CROT: variants seen among roughly 807,000 people sequenced by gnomAD.
CROT encodes peroxisomal carnitine O-octanoyltransferase.
A neutral mutation model predicts 89.2 loss-of-function variants in CROT; 84 were observed. That is an observed-to-expected ratio of 0.94 (90% CI 0.79 to 1.13). The LOEUF is 1.13. Among genes scored for constraint, CROT ranks in the 50% most tolerant of loss-of-function variants. The probability of loss-of-function intolerance (pLI) is 0.00; values close to 1 mark genes in which losing one functional copy is unlikely to be tolerated. For missense variants in CROT, 711 were observed against 727.8 expected (o/e 0.98, Z 0.27); for synonymous variants, 212 against 239.5 (o/e 0.89, Z 1.06).
chr7:87,349,550 C>A (rs1174273414), intron 3 of CROT, among the ~76,000 whole-genome samples: 1 of 152,158 alleles, frequency 6.6e-6, no homozygotes, highest in Non-Finnish European at 1.5e-5. Flanking sequence ...TGCATGAATA[C>A]ATCAAAGAAT....
At chr7:87,382,679 CATCAATAGAGTATT>C in intron 13 of CROT, 136 bp downstream of exon 13, 1 of 802,120 alleles carries the variant, frequency 1.2e-6, no homozygotes. Context: ...TTTGTACTTC[CATCAATAGAGTATT>C]AGATTTCTGA....
intron 13 of CROT, 113 bp from the exon 14 acceptor site, chr7:87,391,476 T>C: frequency 2.1e-6 from 2 of 968,732 alleles, no homozygotes; most frequent in Non-Finnish European, 2.9e-6. Flanking sequence ...CCAACCTATC[T>C]GTGTTAAAGG....
intron 3 of CROT, among the ~76,000 whole-genome samples, chr7:87,357,758 G>A (rs1471421029): frequency 6.6e-6 from 1 of 152,076 alleles, no homozygotes; most frequent in Non-Finnish European, 1.5e-5. Context: ...TCTACATGTG[G>A]GTGAGCAGAC....
chr7:87,362,367 G>C (rs1806310649), intron 6 of CROT, among the ~76,000 whole-genome samples: 1 of 145,750 alleles, frequency 6.9e-6, no homozygotes, highest in Admixed American at 7.1e-5. Context: ...TGCGACCTCA[G>C]CTCACTGCAA....
intron 10 of CROT, among the ~76,000 whole-genome samples, chr7:87,379,418 TATATA>T (rs1400899796): frequency 6.6e-6 from 1 of 152,236 alleles, no homozygotes; most frequent in African/African-American, 2.4e-5. Flanking sequence ...GTTATATTGT[TATATA>T]AGAGTAAGTC....
chr7:87,358,702 T>C lies in CROT; in HGVS notation c.116-504T>C, dbSNP rs75910001. On this transcript the variant is annotated intron_variant, in intron 3 of 17. Coordinates refer to ENST00000331536, the MANE Select transcript of CROT (RefSeq NM_021151.4). ...ATCTTCATCCTGATGGTTTTCATGT[T>C]GAGTAGGTGGAGGAAGAGGAGGGAC... Among the ~76,000 whole-genome samples the C allele has an allele frequency of 5.5e-3, 832 of 152,198 alleles. 4 individuals carry two copies. Among genetic ancestry groups the C allele is most frequent in the African/African-American group, 0.019 (794 of 41,502 alleles).
chr7:87,367,903 A>C (rs1284217705), intron 6 of CROT, among the ~76,000 whole-genome samples: 3 of 152,138 alleles, frequency 2.0e-5, no homozygotes, highest in African/African-American at 7.2e-5. Flanking sequence ...AACTTGGCAT[A>C]CCTTCTCTTC....
Position 87,392,998 on chromosome 7 carries a change from G to C in CROT, c.1649G>C (p.Arg550Pro), listed in dbSNP as rs916197132. 1.6e-5 allele frequency: 26 copies of C among 1,613,498 alleles called. No homozygotes were observed. Among genetic ancestry groups the C allele is most frequent in the Non-Finnish European group, 2.2e-5 (26 of 1,179,674 alleles). Reference protein sequence around the residue: ...VLSTSLVGYLRVQGVVVPMVH... With the variant: ...VLSTSLVGYLPVQGVVVPMVH... ...TCAACAAGTCTGGTTGGCTATTTACGAGTCCAGGGAGTGGTAGTTCCCATG... is the reference window on the plus strand; with the variant it reads ...TCAACAAGTCTGGTTGGCTATTTACCAGTCCAGGGAGTGGTAGTTCCCATG... Residue 550 changes from arginine (R) to proline (P), a missense_variant, in exon 17 of 18, where the codon CGA becomes CCA. Transcript: ENST00000331536.
intron 3 of CROT, among the ~76,000 whole-genome samples, chr7:87,354,569 A>G (rs1470042348): frequency 6.6e-6 from 1 of 152,234 alleles, no homozygotes; most frequent in Non-Finnish European, 1.5e-5. Flanking sequence ...TAGACCTTCA[A>G]GATAAAATAT....
chr7:87,394,552 A>AT (rs1363982319), intron 17 of CROT, among the ~76,000 whole-genome samples: 2 of 31,886 alleles, frequency 6.3e-5, no homozygotes, highest in Admixed American at 6.4e-4. Context: ...TATAAGTACT[A>AT]TTTAAAAAAA....
intron 13 of CROT, 119 bp downstream of exon 13, chr7:87,382,662 T>C: frequency 2.1e-6 from 2 of 947,396 alleles, no homozygotes; most frequent in Admixed American, 2.6e-5. Context: ...GCTGGTACTG[T>C]GTCCTATTTG....
At chr7:87,385,993 C>T (rs2116091081) in intron 13 of CROT, among the ~76,000 whole-genome samples, 1 of 152,214 alleles carries the variant, frequency 6.6e-6, no homozygotes, top group South Asian at 2.1e-4. Flanking sequence ...TATTAATTTG[C>T]ATATGTTGAA....
At chr7:87,352,902 C>G (rs1805921444) in intron 3 of CROT, among the ~76,000 whole-genome samples, 1 of 152,128 alleles carries the variant, frequency 6.6e-6, no homozygotes, top group South Asian at 2.1e-4. Flanking sequence ...ACAGGCCTGT[C>G]CCTATGTCTC....
chr7:87,382,591 ATAT>A, intron 13 of CROT, 48 bp downstream of exon 13: 1 of 1,549,418 alleles, frequency 6.5e-7, no homozygotes, highest in South Asian at 1.2e-5. Flanking sequence ...GTCCAAGGGT[ATAT>A]CTTTTTTTAT....
At chr7:87,347,526 T>C (rs939211047) in intron 2 of CROT, among the ~76,000 whole-genome samples, 5 of 152,216 alleles carry the variant, frequency 3.3e-5, no homozygotes, top group Admixed American at 6.5e-5. Flanking sequence ...CCCATTTTTA[T>C]GGATGGTCAA....
intron 13 of CROT, among the ~76,000 whole-genome samples, chr7:87,384,391 A>T (rs1229309906): frequency 3.3e-5 from 5 of 152,040 alleles, no homozygotes; most frequent in Non-Finnish European, 5.9e-5. Context: ...AATTAGCCTG[A>T]TGTAGGGGCA....
At chr7:87,367,826 C>T (rs1432163961) in intron 6 of CROT, among the ~76,000 whole-genome samples, 1 of 152,154 alleles carries the variant, frequency 6.6e-6, no homozygotes, top group Admixed American at 6.5e-5. Context: ...AAGTATCAGG[C>T]CCCAGTCGAA....
At chr7:87,363,161 A>C (rs529839509) in intron 6 of CROT, among the ~76,000 whole-genome samples, 5 of 152,202 alleles carry the variant, frequency 3.3e-5, no homozygotes, top group Non-Finnish European at 7.4e-5. Context: ...AGATAAGGTA[A>C]CTCTTTTGGG....
At position 87,398,369 on chromosome 7, in the gene CROT, C is replaced by A. The variant is rs778390029; in HGVS notation, c.1719-155C>A. The A allele has an allele frequency of 1.5e-5, 13 of 881,430 alleles. 1 individual carries two copies. The South Asian group carries it at 1.8e-4, about 12-fold the overall frequency. The allele number at this position is 881,430 out of a possible 1,614,324, so 54.6% of individuals were successfully genotyped here. On this transcript the variant is annotated intron_variant, in intron 17 of 17. Transcript: ENST00000331536. Reference sequence around the variant, plus strand: ...TTCTTAGCATTATCTACAGATATGGCTTTACCTTCAATTGTGTCAGGTTAC... The same window carrying A: ...TTCTTAGCATTATCTACAGATATGGATTTACCTTCAATTGTGTCAGGTTAC...
Sources: allele counts gnomAD v4.1 joint callset (sites outside exome capture counted in the v4.1 genomes callset), GRCh38; gene constraint gnomAD v4.1.1; transcripts MANE v1.5; gene names NCBI Gene and HGNC (gene_info 2026-07-23, HGNC 2026-07-21).